The following RAB15 variants were observed in gnomAD, a reference collection of about 807,000 sequenced individuals.
RAB15 encodes the protein RAB15, member RAS oncogene family, also known as ras-related protein Rab-15.
In RAB15, 13 loss-of-function variants were observed where a neutral mutation model predicts 31.8. The ratio of observed to expected loss-of-function variants is 0.41; its 90% CI spans 0.27 to 0.65. The LOEUF is 0.65. Ranked by LOEUF, RAB15 falls within the 30% of genes least tolerant of loss-of-function variation. RAB15 has a pLI of 0.32. For synonymous variants in RAB15, 100 were observed against 105.6 expected, an observed-to-expected ratio of 0.95 and a Z score of 0.33; for missense variants, 220 against 277.3, an observed-to-expected ratio of 0.79 and a Z score of 1.47.
At chr14:64,961,930 A>AAG (rs1566847385) in intron 1 of RAB15, among the ~76,000 whole-genome samples, 1 of 149,494 alleles carries the variant, frequency 6.7e-6, no homozygotes, top group East Asian at 2.0e-4. Flanking sequence ...AAAAAAAAAA[A>AAG]CAGGCCGGGC....
At position 64,958,352 on chromosome 14, in the gene RAB15, G is replaced by A. The variant is rs911799931; in HGVS notation, c.125-5781C>T. Among the ~76,000 whole-genome samples, 9 of 152,184 alleles carry A rather than the reference G, an allele frequency of 5.9e-5. No individual in the cohort carries two copies. The highest frequency in any genetic ancestry group is 2.2e-4 in the African/African-American group (9 of 41,436). On this transcript the variant is annotated intron_variant, in intron 1 of 6. Transcript: ENST00000533601. This position sits in a 1 kb window ranked among gnomAD's most constrained non-coding sequence, Gnocchi z 4.4. ...ACTAACGCCCTTAGAAAAGAGGTCTGAGGGAGCTTGTTCCCTCTTCTGCCA... is the reference window on the plus strand; with the variant it reads ...ACTAACGCCCTTAGAAAAGAGGTCTAAGGGAGCTTGTTCCCTCTTCTGCCA...
intron 1 of RAB15, among the ~76,000 whole-genome samples, chr14:64,966,522 C>CA (rs199979215): frequency 0.044 from 6,212 of 142,714 alleles, 160 homozygotes; most frequent in Middle Eastern, 0.087. Flanking sequence ...TACTCGGTCT[C>CA]AAAAAAAAAT....
intron 1 of RAB15, among the ~76,000 whole-genome samples, chr14:64,969,285 C>T (rs1355609400): frequency 6.6e-6 from 1 of 152,210 alleles, no homozygotes; most frequent in Non-Finnish European, 1.5e-5. Flanking sequence ...CTTGGTAGCA[C>T]TCATTTCGTT....
chr14:64,959,889 G>GA (rs989919937), intron 1 of RAB15, among the ~76,000 whole-genome samples: 1 of 151,390 alleles, frequency 6.6e-6, no homozygotes. Flanking sequence ...CCATGAGGGG[G>GA]ATCTCCCCCT....
Position 64,971,751 on chromosome 14 carries a change from C to T in RAB15, c.124+202G>A, listed in dbSNP as rs903690333. ...CCCGGCAAGAGGCGGGAGACCCCAC[C>T]CCTGGTCCGGACGGCAGGCAGCAGG... On this transcript the variant is annotated intron_variant, in intron 1 of 6. Transcript: ENST00000533601. This position sits in a 1 kb window ranked among gnomAD's most constrained non-coding sequence, Gnocchi z 4.1. 1.7e-6 allele frequency: 1 copy of T among 584,912 alleles called. No individual in the cohort carries two copies. Among genetic ancestry groups the T allele is most frequent in the Non-Finnish European group, 3.0e-6 (1 of 330,746 alleles). 36.2% of individuals were successfully genotyped at this position (584,912 alleles called of 1,614,324 possible).
chr14:64,955,855 ATCTC>A lies in RAB15; in HGVS notation c.125-3288_125-3285del, dbSNP rs1886524577. 6.6e-6 allele frequency among the ~76,000 whole-genome samples: 1 copy of A among 152,166 alleles called. No homozygotes were observed. Among genetic ancestry groups the A allele is most frequent in the African/African-American group, 2.4e-5 (1 of 41,440 alleles). ...TGAGAAGAAGAGATATTCTCCATCT[ATCTC>A]TGCCTCCAGTGGTTTCACATTCCGG... On this transcript the variant is annotated intron_variant, in intron 1 of 6. Coordinates refer to ENST00000533601, the MANE Select transcript of RAB15 (RefSeq NM_001308154.2). This position sits in a 1 kb window ranked among gnomAD's most constrained non-coding sequence, Gnocchi z 4.4.
chr14:64,959,889 G>T lies in RAB15; in HGVS notation c.125-7318C>A, dbSNP rs551442584. On this transcript the variant is annotated intron_variant, in intron 1 of 6. Transcript: ENST00000533601. Reference sequence around the variant, plus strand: ...AAAAAAAAAGCAATTCCATGAGGGGGATCTCCCCCTCACCCCAGAGAGCAT... The same window carrying T: ...AAAAAAAAAGCAATTCCATGAGGGGTATCTCCCCCTCACCCCAGAGAGCAT... Among the ~76,000 whole-genome samples, 27 of 151,492 alleles carry T rather than the reference G, an allele frequency of 1.8e-4. No individual in the cohort carries two copies. In the South Asian group the frequency reaches 3.8e-3, roughly 21 times the overall value.
In RAB15 at chr14:64,950,533, G is replaced by A; in HGVS notation, c.325-119C>T. 2.3e-6 allele frequency: 2 copies of A among 865,770 alleles called. No homozygotes were observed. The highest frequency in any genetic ancestry group is 1.4e-5 in the South Asian group (1 of 72,426). 53.6% of individuals were successfully genotyped at this position (865,770 alleles called of 1,614,324 possible). On this transcript the variant is annotated intron_variant, in intron 4 of 6. Transcript: ENST00000533601. This position sits in a 1 kb window ranked among gnomAD's most constrained non-coding sequence, Gnocchi z 5.6. ...TTCCAGAGCCCTAGGGACAGGGTGG[G>A]CCGACTGGATGCAGGTGCCAGGCTC...
At chr14:64,969,067 G>A (rs553180005) in intron 1 of RAB15, among the ~76,000 whole-genome samples, 22 of 152,304 alleles carry the variant, frequency 1.4e-4, no homozygotes, top group African/African-American at 4.6e-4. Context: ...GCAATAACTG[G>A]TGAATTACCT....
chr14:64,966,029 C>T (rs1219290988), intron 1 of RAB15, among the ~76,000 whole-genome samples: 2 of 152,174 alleles, frequency 1.3e-5, no homozygotes, highest in Non-Finnish European at 2.9e-5. Flanking sequence ...AAAGCCACCC[C>T]ATCCTCTCCT....
intron 1 of RAB15, among the ~76,000 whole-genome samples, chr14:64,963,012 A>AT (rs1429297612): frequency 6.6e-6 from 1 of 152,108 alleles, no homozygotes; most frequent in Non-Finnish European, 1.5e-5. Flanking sequence ...TATACACTGA[A>AT]TAAATGGCAT....
chr14:64,957,350 C>T (rs1310138400), intron 1 of RAB15, among the ~76,000 whole-genome samples: 3 of 152,122 alleles, frequency 2.0e-5, no homozygotes, highest in African/African-American at 7.2e-5. Flanking sequence ...CCTACCTTCC[C>T]TCTGCTGAAT....
At chr14:64,963,581 G>T (rs1886972091) in intron 1 of RAB15, among the ~76,000 whole-genome samples, 2 of 152,190 alleles carry the variant, frequency 1.3e-5, no homozygotes, top group Non-Finnish European at 2.9e-5. Flanking sequence ...GTAGCAAAAG[G>T]TTCAGGGAAG....
Position 64,950,369 on chromosome 14 carries a change from C to G in RAB15, c.370G>C (p.Asp124His). 6.2e-7 allele frequency: 1 copy of G among 1,614,142 alleles called. No individual in the cohort carries two copies. The highest frequency in any genetic ancestry group is 1.1e-5 in the South Asian group (1 of 91,078). Residue 124 changes from aspartate to histidine, a missense_variant, in exon 5 of 7, where the codon GAT becomes CAT. Transcript: ENST00000533601. The surrounding 1 kb of genome is among the most constrained non-coding windows in gnomAD (Gnocchi z 5.6). ...CCCACCTGCCGTTTCTGCTCCTCAT[C>G]AGCCTTATTCCCAATAAGGATCTTC... is the stretch of plus-strand genomic sequence containing the variant. The part of the protein sequence containing the change: ...VQKILIGNKA[D>H]EEQKRQVGRE...
At position 64,968,056 on chromosome 14, in the gene RAB15, A is replaced by G. The variant is rs1325029451; in HGVS notation, c.124+3897T>C. 6.6e-6 allele frequency among the ~76,000 whole-genome samples: 1 copy of G among 152,114 alleles called. No individual in the cohort carries two copies. Among genetic ancestry groups the G allele is most frequent in the East Asian group, 1.9e-4 (1 of 5,202 alleles). On this transcript the variant is annotated intron_variant, in intron 1 of 6. Coordinates refer to ENST00000533601, the MANE Select transcript of RAB15 (RefSeq NM_001308154.2). This position sits in a 1 kb window ranked among gnomAD's most constrained non-coding sequence, Gnocchi z 4.9. ...GCCAGGCTCTCAATGCCCTCTGCCAACTGGTCCCTGCATTCATTCATTAAT... is the reference window on the plus strand; with the variant it reads ...GCCAGGCTCTCAATGCCCTCTGCCAGCTGGTCCCTGCATTCATTCATTAAT...
rs542363946 is a variant in RAB15 at position 64,954,001 on chromosome 14, C to T, written c.125-1430G>A. 4 of 985,298 alleles carry T rather than the reference C, an allele frequency of 4.1e-6. No homozygotes were observed. The South Asian group carries it at 1.9e-4, about 46-fold the overall frequency. 61.0% of individuals were successfully genotyped at this position (985,298 alleles called of 1,614,324 possible). ...ACATCTTCCCTTATCTGTGCTGTCC[C>T]CAGCTTTCTACAAAGGCAAACAAAT... is the stretch of plus-strand genomic sequence containing the variant. On this transcript the variant is annotated intron_variant, in intron 1 of 6. Transcript: ENST00000533601. The surrounding 1 kb of genome is among the most constrained non-coding windows in gnomAD (Gnocchi z 4.3).
chr14:64,960,836 G>A (rs911555743), intron 1 of RAB15, among the ~76,000 whole-genome samples: 1 of 152,154 alleles, frequency 6.6e-6, no homozygotes, highest in Non-Finnish European at 1.5e-5. Flanking sequence ...CACTTGGCTG[G>A]AATGTTTCAA....
At position 64,961,148 on chromosome 14, in the gene RAB15, C is replaced by T. The variant is rs545688053; in HGVS notation, c.125-8577G>A. On this transcript the variant is annotated intron_variant, in intron 1 of 6. Coordinates refer to ENST00000533601, the MANE Select transcript of RAB15 (RefSeq NM_001308154.2). ...GGAACAACCTAATACACCTGAAACC[C>T]AAGGCAGACACCCAATCCCCAGGGC... Among the ~76,000 whole-genome samples, 15 of 152,322 alleles carry T rather than the reference C, an allele frequency of 9.8e-5. No individual in the cohort carries two copies. In the South Asian group the frequency reaches 3.1e-3, roughly 32 times the overall value.
Position 64,971,850 on chromosome 14 carries a change from C to T in RAB15, c.124+103G>A. On this transcript the variant is annotated intron_variant, in intron 1 of 6. Coordinates refer to ENST00000533601, the MANE Select transcript of RAB15 (RefSeq NM_001308154.2). The surrounding 1 kb of genome is among the most constrained non-coding windows in gnomAD (Gnocchi z 4.1). ...ACTCCGGCCTCCGGCGCCACCGCCT[C>T]CAGCCGGAGGGGCTGGCAATTCCTC... The T allele has an allele frequency of 8.4e-7, 1 of 1,188,552 alleles. No homozygotes were observed. Among genetic ancestry groups the T allele is most frequent in the South Asian group, 1.4e-5 (1 of 70,650 alleles). The allele number at this position is 1,188,552 out of a possible 1,614,324, so 73.6% of individuals were successfully genotyped here. A position where few individuals can be genotyped will look rare whatever the true frequency, so the allele number is the denominator to read the frequency against.
Sources: gnomAD v4.1 joint callset for allele counts (sites outside exome capture counted in the v4.1 genomes callset) on GRCh38, gnomAD v4.1.1 for gene constraint, Gnocchi (gnomAD v3.1) non-coding constraint, MANE v1.5 for transcripts, NCBI Gene and HGNC (gene_info 2026-07-23, HGNC 2026-07-21) for gene names.